CKMT2: variants seen among roughly 807,000 people sequenced by gnomAD.
CKMT2 encodes creatine kinase, mitochondrial 2.
Under a neutral mutation model 48.9 loss-of-function variants are expected in CKMT2, and 43 were observed. The ratio of observed to expected loss-of-function variants is 0.88; its 90% CI spans 0.69 to 1.13. The LOEUF (loss-of-function observed/expected upper bound fraction) is 1.13, where lower values mean the gene tolerates loss of function less well. Among genes scored for constraint, CKMT2 ranks in the 50% most tolerant of loss-of-function variants. The pLI, the probability that CKMT2 is intolerant of heterozygous loss-of-function variation, is 0.00. For synonymous variants in CKMT2, 206 were observed against 213.0 expected (o/e 0.97, Z 0.29); for missense variants, 472 against 555.4 (o/e 0.85, Z 1.51).
At chr5:81,261,476 T>G (rs567554974) in intron 8 of CKMT2, among the ~76,000 whole-genome samples, 1 of 152,340 alleles carries the variant, frequency 6.6e-6, no homozygotes, top group African/African-American at 2.4e-5. Context: ...GCCCAAAATC[T>G]TAAGTTGATA....
intron 1 of CKMT2, among the ~76,000 whole-genome samples, chr5:81,249,857 G>C (rs1235440411): frequency 6.6e-6 from 1 of 152,106 alleles, no homozygotes; most frequent in Non-Finnish European, 1.5e-5. Context: ...AAATCAGCTC[G>C]TTTGTCATTT....
chr5:81,243,932 A>C (rs1331586459), intron 1 of CKMT2: 23 of 594,238 alleles, frequency 3.9e-5, no homozygotes, highest in East Asian at 1.4e-4. Context: ...ACCTCAGGTG[A>C]TCCGCCCACC....
rs193081015 is a variant in CKMT2, at chr5:81,263,479, C to T, written c.1015-12C>T. 115 of 1,589,840 alleles carry T rather than the reference C, an allele frequency of 7.2e-5. No individual in the cohort carries two copies. Among genetic ancestry groups the T allele is most frequent in the Admixed American group, 3.1e-4 (18 of 58,258 alleles). ...CCTCTTAGCACATTTAAGTATTATC[C>T]CTTTGTCCTAGGACCCACGCTTTTC... On this transcript the variant is annotated splice_polypyrimidine_tract_variant and intron_variant, in intron 8 of 9. Transcript: ENST00000254035.
chr5:81,233,434 C>G, intron 1 of CKMT2, 57 bp downstream of exon 1: 1 of 979,148 alleles, frequency 1.0e-6, no homozygotes, highest in Non-Finnish European at 1.2e-6. Context: ...ATGGCTAGAG[C>G]CAGTGTGAAG....
chr5:81,242,277 G>A, intron 1 of CKMT2: 1 of 300,894 alleles, frequency 3.3e-6, no homozygotes, highest in South Asian at 3.6e-5. Flanking sequence ...CATCATATAA[G>A]TAGATTTCAT....
chr5:81,251,367 C>T, intron 2 of CKMT2, 83 bp downstream of exon 2: 1 of 1,445,568 alleles, frequency 6.9e-7, no homozygotes, highest in Non-Finnish European at 9.5e-7. Flanking sequence ...AAGGCCAGAT[C>T]ACGAGGTCAA....
chr5:81,254,908 G>T, intron 4 of CKMT2, 85 bp from the exon 5 acceptor site: 1 of 1,113,978 alleles, frequency 9.0e-7, no homozygotes. Context: ...CAGGGAAACT[G>T]CAGATTGGCG....
At chr5:81,246,028 G>T (rs761961681) in intron 1 of CKMT2, among the ~76,000 whole-genome samples, 1 of 151,816 alleles carries the variant, frequency 6.6e-6, no homozygotes, top group Admixed American at 6.6e-5. Flanking sequence ...TCTCATCCTC[G>T]CTGACTCACC....
chr5:81,246,998 A>AGATGTGTGC, intron 1 of CKMT2: 1 of 152,350 alleles, frequency 6.6e-6, no homozygotes, highest in Middle Eastern at 3.4e-3. Context: ...TTTGGGAAAA[A>AGATGTGTGC]GATGTGTGCT....
At chr5:81,248,338 G>A (rs1285871994) in intron 1 of CKMT2, among the ~76,000 whole-genome samples, 2 of 152,308 alleles carry the variant, frequency 1.3e-5, no homozygotes, top group South Asian at 4.1e-4. Context: ...GAAAGAATCT[G>A]GGCAAAGCTT....
intron 8 of CKMT2, 103 bp downstream of exon 8, chr5:81,259,357 T>C: frequency 1.9e-6 from 2 of 1,027,414 alleles, no homozygotes; most frequent in Non-Finnish European, 2.7e-6. Flanking sequence ...ACCCTTACTT[T>C]CTCTATCTAC....
chr5:81,263,794 T>C (rs1757309400), intron 9 of CKMT2, among the ~76,000 whole-genome samples, 178 bp downstream of exon 9: 1 of 152,176 alleles, frequency 6.6e-6, no homozygotes, highest in Non-Finnish European at 1.5e-5. Flanking sequence ...AATAACTGCA[T>C]AAAGGGAAAC....
chr5:81,251,585 TCAAAA>T (rs1405483107), intron 2 of CKMT2, among the ~76,000 whole-genome samples: 4 of 152,100 alleles, frequency 2.6e-5, no homozygotes, highest in East Asian at 1.9e-4. Flanking sequence ...AGACTCCGTC[TCAAAA>T]CAAAACAAAA....
chr5:81,247,895 C>CTTCCCCAGGATT lies in CKMT2; in HGVS notation c.-20-3217_-20-3206dup, dbSNP rs538710677. On this transcript the variant is annotated intron_variant, in intron 1 of 9. Coordinates refer to ENST00000254035, the MANE Select transcript of CKMT2 (RefSeq NM_001099735.2). ...ATTGCTTTGCTAGCCACAATCAAAGCTTCCCCAGGATTATCTGCATGAGTC... is the reference window on the plus strand; with the variant it reads ...ATTGCTTTGCTAGCCACAATCAAAGCTTCCCCAGGATTTTCCCCAGGATTATCTGCATGAGTC... Among the ~76,000 whole-genome samples the CTTCCCCAGGATT allele has an allele frequency of 2.8e-4, 42 of 152,296 alleles. No individual in the cohort carries two copies. In the South Asian group the frequency reaches 8.1e-3, roughly 29 times the overall value.
intron 6 of CKMT2, 141 bp downstream of exon 6, chr5:81,257,141 A>AGTGTGTGTGTGTGTGTGTGTGTGT (rs3830407): frequency 2.4e-5 from 12 of 499,134 alleles, no homozygotes; most frequent in African/African-American, 2.2e-4. Context: ...CTACTTGGAA[A>AGTGTGTGTGTGTGTGTGTGTGTGT]GTGTGTGTGT....
At chr5:81,249,895 T>G (rs1204360098) in intron 1 of CKMT2, among the ~76,000 whole-genome samples, 1 of 152,246 alleles carries the variant, frequency 6.6e-6, no homozygotes, top group African/African-American at 2.4e-5. Flanking sequence ...CTTTTCTTTC[T>G]GACTGCTCTT....
chr5:81,243,467 G>C (rs1180563792), intron 1 of CKMT2, among the ~76,000 whole-genome samples: 3 of 152,142 alleles, frequency 2.0e-5, no homozygotes, highest in African/African-American at 7.2e-5. Context: ...GCACAAAATA[G>C]AAACAGCAAA....
intron 1 of CKMT2, among the ~76,000 whole-genome samples, chr5:81,249,578 C>T (rs908039343): frequency 3.3e-5 from 5 of 152,118 alleles, no homozygotes; most frequent in Non-Finnish European, 5.9e-5. Flanking sequence ...TCTTTTTCAT[C>T]GTTTGTTGGT....
In CKMT2 at chr5:81,266,208, G is replaced by A; in HGVS notation, c.1210G>A (p.Gly404Ser). The stretch of plus-strand genomic sequence containing the variant: ...GGATTGTGAAAAGAAGTTGGAGAGA[G>A]GCCAAGATATTAAGGTGCCACCCCC... ...LVDCEKKLER[G>S]QDIKVPPPLP... is the part of the protein sequence containing the mutation. Residue 404 changes from glycine (G) to serine (S), a missense_variant, in exon 10 of 10, where the codon GGC (glycine) becomes AGC (serine). Physicochemically the swap from Gly to Ser is moderately conservative, Grantham distance 56 (BLOSUM62 0). Transcript: ENST00000254035. The A allele has an allele frequency of 1.2e-6, 2 of 1,613,398 alleles. No homozygotes were observed. Among genetic ancestry groups the A allele is most frequent in the Non-Finnish European group, 1.7e-6 (2 of 1,179,438 alleles).
Sources: allele counts gnomAD v4.1 joint callset (sites outside exome capture counted in the v4.1 genomes callset), GRCh38; gene constraint gnomAD v4.1.1; transcripts MANE v1.5; gene names NCBI Gene and HGNC (gene_info 2026-07-23, HGNC 2026-07-21).